TBC1D5: variants seen among roughly 807,000 people sequenced by gnomAD.
The protein encoded by TBC1D5 is TBC1 domain family, member 5.
TBC1D5 carries 75 observed loss-of-function variants against 100.3 expected under a neutral mutation model. That is an observed-to-expected ratio of 0.75 (90% confidence interval 0.62 to 0.91). The LOEUF (loss-of-function observed/expected upper bound fraction) is 0.91, where lower values mean the gene tolerates loss of function less well. Ranked by LOEUF, TBC1D5 falls within the 40% of genes least tolerant of loss-of-function variation. The probability of loss-of-function intolerance (pLI) is 0.00; values close to 1 mark genes in which losing one functional copy is unlikely to be tolerated. For synonymous variants in TBC1D5, 323 were observed against 325.6 expected (o/e 0.99, Z 0.09); for missense variants, 910 against 942.4 (o/e 0.97, Z 0.45).
chr3:17,370,913 A>C (rs1011889842), intron 13 of TBC1D5, among the ~76,000 whole-genome samples: 17 of 152,210 alleles, frequency 1.1e-4, no homozygotes, highest in Non-Finnish European at 2.4e-4. Flanking sequence ...GCTTTACATA[A>C]AGTATCTACC....
At chr3:17,294,349 A>G (rs2082044916) in intron 14 of TBC1D5, among the ~76,000 whole-genome samples, 1 of 152,160 alleles carries the variant, frequency 6.6e-6, no homozygotes, top group Admixed American at 6.5e-5. Context: ...CCTCTGGAGT[A>G]GCTATTACGG....
At chr3:17,396,917 A>G (rs1245081197) in intron 8 of TBC1D5, among the ~76,000 whole-genome samples, 1 of 152,124 alleles carries the variant, frequency 6.6e-6, no homozygotes, top group Non-Finnish European at 1.5e-5. Flanking sequence ...TGCTGGGGCG[A>G]GCATAATAAT....
At chr3:17,631,722 G>A (rs2153674653) in intron 1 of TBC1D5, among the ~76,000 whole-genome samples, 1 of 152,162 alleles carries the variant, frequency 6.6e-6, no homozygotes, top group East Asian at 1.9e-4. Context: ...CTGTGCTCTA[G>A]AAAAGGAACA....
rs1245298909 is a variant in TBC1D5 at position 17,705,944 on chromosome 3, C to T, written c.-101+33399G>A. Reference sequence around the variant, plus strand: ...CGCGGGGCCCGTCCGCTCCTCCAGCCGCTGCCTCCCGGGCGGCGCTCCTCA... The same window carrying T: ...CGCGGGGCCCGTCCGCTCCTCCAGCTGCTGCCTCCCGGGCGGCGCTCCTCA... On this transcript the variant is annotated intron_variant, in intron 1 of 21. Coordinates refer to ENST00000253692, the Ensembl canonical transcript of TBC1D5. The T allele has an allele frequency of 9.7e-6, 12 of 1,238,458 alleles. No homozygotes were observed. The East Asian group carries it at 2.3e-4, about 24-fold the overall frequency. The allele number at this position is 1,238,458 out of a possible 1,614,324, so 76.7% of individuals were successfully genotyped here. A position where few individuals can be genotyped will look rare whatever the true frequency, so the allele number is the denominator to read the frequency against.
intron 3 of TBC1D5, among the ~76,000 whole-genome samples, chr3:17,442,354 G>C (rs1037838350): frequency 3.3e-5 from 5 of 152,174 alleles, no homozygotes; most frequent in African/African-American, 9.7e-5. Flanking sequence ...CTACCCTTTT[G>C]ATAAGAAAAC....
At chr3:17,263,901 C>T (rs1316204323) in intron 15 of TBC1D5, among the ~76,000 whole-genome samples, 2 of 152,066 alleles carry the variant, frequency 1.3e-5, no homozygotes, top group Admixed American at 6.6e-5. Flanking sequence ...AAACTGAAAT[C>T]GATCTAAGTT....
At chr3:17,455,500 ATATGTGTG>A (rs1559924829) in intron 3 of TBC1D5, among the ~76,000 whole-genome samples, 1 of 138,790 alleles carries the variant, frequency 7.2e-6, no homozygotes, top group African/African-American at 2.9e-5. Context: ...GTGTATATAT[ATATGTGTG>A]TGTGTATATA....
chr3:17,271,735 G>A (rs1553644380), intron 15 of TBC1D5, among the ~76,000 whole-genome samples: 6 of 152,100 alleles, frequency 3.9e-5, no homozygotes. Flanking sequence ...GATGTTGGCT[G>A]TGGGTTTGTC....
At chr3:17,517,159 A>C (rs1028481293) in intron 2 of TBC1D5, among the ~76,000 whole-genome samples, 1 of 152,230 alleles carries the variant, frequency 6.6e-6, no homozygotes, top group Non-Finnish European at 1.5e-5. Flanking sequence ...CAGAAAAAGG[A>C]AACAGTCATC....
chr3:17,269,625 T>C (rs2079183011), intron 15 of TBC1D5, among the ~76,000 whole-genome samples: 1 of 152,116 alleles, frequency 6.6e-6, no homozygotes, highest in African/African-American at 2.4e-5. Flanking sequence ...GGAAGTTTTA[T>C]GGGTCTTGTC....
At chr3:17,626,296 C>T (rs2063052374) in intron 1 of TBC1D5, among the ~76,000 whole-genome samples, 2 of 152,174 alleles carry the variant, frequency 1.3e-5, no homozygotes, top group South Asian at 2.1e-4. Flanking sequence ...TCTCTCTCTT[C>T]CAGAATATAA....
At chr3:17,610,678 T>C (rs116715767) in intron 2 of TBC1D5, among the ~76,000 whole-genome samples, 313 of 152,266 alleles carry the variant, frequency 2.1e-3, no homozygotes, top group African/African-American at 7.4e-3. Context: ...AATACAGACA[T>C]ATAAATCATG....
chr3:17,584,878 G>A (rs1452866472), intron 2 of TBC1D5, among the ~76,000 whole-genome samples: 3 of 152,076 alleles, frequency 2.0e-5, no homozygotes, highest in Admixed American at 1.3e-4. Context: ...GGCTGTTCTC[G>A]AACTCCTGAC....
chr3:17,322,009 G>A (rs1430696200), intron 13 of TBC1D5, among the ~76,000 whole-genome samples: 1 of 152,144 alleles, frequency 6.6e-6, no homozygotes. Flanking sequence ...GGTACAAGTA[G>A]CTTACTACTA....
At chr3:17,677,030 A>C (rs1367686112) in intron 1 of TBC1D5, among the ~76,000 whole-genome samples, 1 of 152,176 alleles carries the variant, frequency 6.6e-6, no homozygotes, top group Admixed American at 6.5e-5. Context: ...TAAATGTTAG[A>C]CCTAAATCCA....
intron 13 of TBC1D5, among the ~76,000 whole-genome samples, chr3:17,327,415 T>C (rs946974076): frequency 1.4e-4 from 21 of 152,244 alleles, no homozygotes; most frequent in Non-Finnish European, 2.8e-4. Context: ...GTCCTTAAAA[T>C]GGCTTTCAAG....
intron 1 of TBC1D5, among the ~76,000 whole-genome samples, chr3:17,656,040 T>C (rs1246313928): frequency 6.6e-6 from 1 of 152,240 alleles, no homozygotes; most frequent in Non-Finnish European, 1.5e-5. Flanking sequence ...AATGAAGCAG[T>C]GTACTCCTGT....
intron 17 of TBC1D5, among the ~76,000 whole-genome samples, chr3:17,227,296 A>G (rs2074995072): frequency 6.6e-6 from 1 of 152,156 alleles, no homozygotes. Context: ...TGTACTAGGA[A>G]CATCTAGCTT....
chr3:17,470,999 T>C (rs1006371101), intron 3 of TBC1D5, among the ~76,000 whole-genome samples: 1 of 152,196 alleles, frequency 6.6e-6, no homozygotes, highest in African/African-American at 2.4e-5. Flanking sequence ...ACATTTGGGA[T>C]GTGAATGACG....
Sources: gnomAD v4.1 joint callset for allele counts (sites outside exome capture counted in the v4.1 genomes callset) on GRCh38, gnomAD v4.1.1 for gene constraint, MANE v1.5 for transcripts, NCBI Gene and HGNC (gene_info 2026-07-23, HGNC 2026-07-21) for gene names.